Variants in EGFL6 observed in about 807,000 individuals in gnomAD.
The protein encoded by EGFL6 is epidermal growth factor-like protein 6.
A neutral mutation model predicts 43.1 loss-of-function variants in EGFL6; 42 were observed. The observed-to-expected ratio is 0.98, with a 90% confidence interval of 0.76 to 1.26. The LOEUF (loss-of-function observed/expected upper bound fraction) is 1.26. Among genes scored for constraint, EGFL6 ranks in the 50% most tolerant of loss-of-function variants. EGFL6 has a pLI of 0.00. For synonymous variants in EGFL6, 164 were observed against 163.2 expected, an observed-to-expected ratio of 1.01 and a Z score of -0.04; for missense variants, 429 against 427.8, an observed-to-expected ratio of 1.00 and a Z score of -0.02.
At chrX:13,618,120 G>A (rs1406259398) in intron 8 of EGFL6, 67 bp downstream of exon 8, 1 of 1,077,759 alleles carries the variant, frequency 9.3e-7, no homozygotes, top group African/African-American at 1.9e-5. Flanking sequence ...GCAAATGAAA[G>A]AAGACAAAAA....
rs182952065 is a variant in EGFL6 at position 13,592,723 on chromosome X, T to G, written c.188-2113T>G. ...TAGAAGAAGGGGCCATGCAAGGTGG[T>G]CCTTGAAGAATGGGGAGGATATGAA... On this transcript the variant is annotated intron_variant, in intron 2 of 11. Coordinates refer to ENST00000361306, the MANE Select transcript of EGFL6 (RefSeq NM_015507.4). 6.6e-3 allele frequency among the ~76,000 whole-genome samples: 718 copies of G among 109,199 alleles called. 7 individuals are homozygous for G. The highest frequency in any genetic ancestry group is 0.022 in the African/African-American group (671 of 29,996). The allele number at this position is 109,199 out of a possible 115,157, so 94.8% of individuals were successfully genotyped here. A position where few individuals can be genotyped will look rare whatever the true frequency, so the allele number is the denominator to read the frequency against.
At chrX:13,616,685 C>T (rs2045719640) in intron 7 of EGFL6, among the ~76,000 whole-genome samples, 1 of 111,756 alleles carries the variant, frequency 8.9e-6, no homozygotes, top group East Asian at 2.8e-4. Context: ...AGCTCCGTCC[C>T]TAACATGATG....
At chrX:13,620,474 T>C (rs955970393) in intron 9 of EGFL6, among the ~76,000 whole-genome samples, 3 of 110,367 alleles carry the variant, frequency 2.7e-5, no homozygotes, top group African/African-American at 9.9e-5. Context: ...TGTGAGTGCA[T>C]TGCCCAGTTC....
At chrX:13,630,984 T>C (rs750096815) in intron 11 of EGFL6, among the ~76,000 whole-genome samples, 1 of 112,552 alleles carries the variant, frequency 8.9e-6, no homozygotes, top group African/African-American at 3.2e-5. Context: ...AAAAGGAAAT[T>C]ACTTTTTTGA....
intron 7 of EGFL6, among the ~76,000 whole-genome samples, chrX:13,610,626 A>AT (rs1427494863): frequency 8.9e-6 from 1 of 111,998 alleles, no homozygotes; most frequent in East Asian, 2.8e-4. Context: ...AGGAGACTGA[A>AT]TAAATCAGCT....
intron 1 of EGFL6, among the ~76,000 whole-genome samples, chrX:13,578,988 T>C (rs1012252948): frequency 3.6e-5 from 4 of 111,754 alleles, no homozygotes; most frequent in African/African-American, 1.3e-4. Context: ...ATTTCACACA[T>C]TTTCTGTGAA....
intron 11 of EGFL6, among the ~76,000 whole-genome samples, chrX:13,628,610 T>G (rs895435084): frequency 2.7e-5 from 3 of 110,542 alleles, no homozygotes; most frequent in Non-Finnish European, 3.8e-5. Context: ...GGTTGGGAGT[T>G]CAAGACCAGC....
intron 1 of EGFL6, among the ~76,000 whole-genome samples, chrX:13,577,171 AG>A (rs1188205332): frequency 3.7e-5 from 4 of 108,397 alleles, no homozygotes; most frequent in Admixed American, 1.0e-4. Context: ...CCAGGGAGGA[AG>A]GATACAAGTC....
At chrX:13,617,053 TAG>T (rs66843523) in intron 7 of EGFL6, among the ~76,000 whole-genome samples, 19,995 of 110,532 alleles carry the variant, frequency 0.18, 2,593 homozygotes, top group African/African-American at 0.46. Flanking sequence ...GTATTTTTAG[TAG>T]AGAGACTAGA....
intron 6 of EGFL6, 148 bp downstream of exon 6, chrX:13,606,661 A>G (rs182856403): frequency 1.0e-5 from 6 of 583,490 alleles, no homozygotes; most frequent in African/African-American, 2.3e-5. Flanking sequence ...TTATTTTTTT[A>G]GGTGTCTGGC....
At chrX:13,631,981 CCT>C (rs1199316579) in intron 11 of EGFL6, among the ~76,000 whole-genome samples, 1 of 110,622 alleles carries the variant, frequency 9.0e-6, no homozygotes, top group Non-Finnish European at 1.9e-5. Flanking sequence ...TAGTATTCAT[CCT>C]CTGTTCTCTC....
At chrX:13,631,093 C>T (rs1358252337) in intron 11 of EGFL6, among the ~76,000 whole-genome samples, 2 of 112,624 alleles carry the variant, frequency 1.8e-5, no homozygotes, top group Admixed American at 9.4e-5. Flanking sequence ...TTATCTGTAA[C>T]TGCAGTATGC....
chrX:13,569,684 C>G lies in EGFL6; in HGVS notation c.-178C>G, dbSNP rs986552383. 2 of 461,236 alleles carry G rather than the reference C, an allele frequency of 4.3e-6. No individual in the cohort carries two copies. Among genetic ancestry groups the G allele is most frequent in the Non-Finnish European group, 7.2e-6 (2 of 276,138 alleles). The allele number at this position is 461,236 out of a possible 1,213,427, so 38.0% of individuals were successfully genotyped here. On this transcript the variant is annotated 5_prime_UTR_variant, in exon 1 of 12. Coordinates refer to ENST00000361306, the MANE Select transcript of EGFL6 (RefSeq NM_015507.4). ...CCAGCCCCTCCCCAGGCCGCGAGCG[C>G]CCCTGCCGCGGTGCCTGGCCTCCCC...
Position 13,627,095 on chromosome X carries a change from A to T in EGFL6, c.1370A>T (p.Gln457Leu). ...GRLKLLLPDL[Q>L]PQSNFCLLFD... is the part of the protein sequence containing the mutation. ...TTGAAACTTCTCCTACCTGACCTGCAACCCCAAAGCAACTTCTGTTTGCTC... is the reference window on the plus strand; with the variant it reads ...TTGAAACTTCTCCTACCTGACCTGCTACCCCAAAGCAACTTCTGTTTGCTC... Residue 457 changes from glutamine to leucine, a missense_variant, in exon 11 of 12, where the codon CAA becomes CTA. Coordinates refer to ENST00000361306, the MANE Select transcript of EGFL6 (RefSeq NM_015507.4). 1 of 1,212,326 alleles carries T rather than the reference A, an allele frequency of 8.2e-7. No individual in the cohort carries two copies. The highest frequency in any genetic ancestry group is 1.1e-6 in the Non-Finnish European group (1 of 895,667).
chrX:13,578,031 G>T (rs957046342), intron 1 of EGFL6, among the ~76,000 whole-genome samples: 1 of 112,441 alleles, frequency 8.9e-6, no homozygotes, highest in Non-Finnish European at 1.9e-5. Flanking sequence ...CATAGTAATA[G>T]AATGCTTATA....
At chrX:13,618,889 G>GA (rs3840974) in intron 8 of EGFL6, among the ~76,000 whole-genome samples, 23 of 103,374 alleles carry the variant, frequency 2.2e-4, no homozygotes, top group South Asian at 4.3e-4. Flanking sequence ...CTCAAAAAAA[G>GA]AAAAAAAAAA....
chrX:13,597,770 C>T (rs1452836791), intron 3 of EGFL6, among the ~76,000 whole-genome samples: 4 of 107,392 alleles, frequency 3.7e-5, no homozygotes, highest in East Asian at 3.0e-4. Context: ...GGCAACAGAG[C>T]GAGACTCCAT....
intron 1 of EGFL6, among the ~76,000 whole-genome samples, chrX:13,576,575 C>T (rs762525392): frequency 5.4e-5 from 6 of 111,695 alleles, no homozygotes; most frequent in Admixed American, 2.8e-4. Context: ...TCCCATTGGC[C>T]GGAACTTAGT....
intron 7 of EGFL6, among the ~76,000 whole-genome samples, chrX:13,610,108 A>G (rs1454492965): frequency 8.9e-6 from 1 of 112,328 alleles, no homozygotes; most frequent in Non-Finnish European, 1.9e-5. Context: ...ACCACTGGAC[A>G]AGAGTATGTA....
Sources: allele counts gnomAD v4.1 joint callset (sites outside exome capture counted in the v4.1 genomes callset), GRCh38; gene constraint gnomAD v4.1.1; transcripts MANE v1.5; gene names NCBI Gene and HGNC (gene_info 2026-07-23, HGNC 2026-07-21).